Variants in SNAPC3 observed in about 807,000 individuals in gnomAD.
SNAPC3 encodes the protein snRNA-activating protein complex subunit 3.
Under a neutral mutation model 47.7 loss-of-function variants are expected in SNAPC3, and 56 were observed. That is an observed-to-expected ratio of 1.18 (90% CI 0.95 to 1.47). The LOEUF is 1.47. SNAPC3 is among the 40% of genes most tolerant of loss of function. The pLI is 0.00. For synonymous variants in SNAPC3, 235 were observed against 189.9 expected, an observed-to-expected ratio of 1.24 and a Z score of -1.95; for missense variants, 665 against 511.3, an observed-to-expected ratio of 1.30 and a Z score of -2.90.
At chr9:15,465,720 T>A (rs1289650442), downstream of SNAPC3, 2 of 625,504 alleles carry the variant, frequency 3.2e-6, no homozygotes, top group Non-Finnish European at 5.4e-6. Flanking sequence ...TGACTTGTTA[T>A]TAGAACAGTC....
chr9:15,456,017 G>C (rs933239479), intron 7 of SNAPC3, among the ~76,000 whole-genome samples: 8 of 152,170 alleles, frequency 5.3e-5, no homozygotes. Flanking sequence ...TGGGATTACA[G>C]GCATGCGCCA....
chr9:15,456,800 G>C (rs1249650104), intron 7 of SNAPC3, among the ~76,000 whole-genome samples: 5 of 152,138 alleles, frequency 3.3e-5, no homozygotes, highest in Non-Finnish European at 7.4e-5. Context: ...CATTTATTAA[G>C]AGTATGCAAT....
chr9:15,451,354 G>A lies in SNAPC3; in HGVS notation c.767G>A (p.Gly256Glu). The change falls in exon 6 of 9, where the codon GGA (glycine) becomes GAA (glutamate). Residue 256 changes from glycine to glutamate, a missense_variant. Coordinates refer to ENST00000380821, the MANE Select transcript of SNAPC3 (RefSeq NM_001039697.2). ...LYKSAFFYFE[G>E]TFYNDKRYPE... ...AAATCAGCCTTCTTTTATTTTGAAG[G>A]AACATTTTATAATGATAAAAGATAC... The A allele has an allele frequency of 1.9e-6, 3 of 1,549,184 alleles. No homozygotes were observed. Among genetic ancestry groups the A allele is most frequent in the Non-Finnish European group, 2.7e-6 (3 of 1,130,998 alleles).
chr9:15,454,533 A>G (rs2034627848), intron 7 of SNAPC3, among the ~76,000 whole-genome samples: 1 of 152,246 alleles, frequency 6.6e-6, no homozygotes, highest in Non-Finnish European at 1.5e-5. Context: ...AGCCAGGAGC[A>G]TACAGAACTC....
At chr9:15,434,951 G>C (rs978694986) in intron 3 of SNAPC3, among the ~76,000 whole-genome samples, 1 of 152,124 alleles carries the variant, frequency 6.6e-6, no homozygotes, top group African/African-American at 2.4e-5. Flanking sequence ...TCTGCCCCTA[G>C]GAATGGAATT....
chr9:15,447,008 C>A (rs2131889911), intron 4 of SNAPC3, 87 bp from the exon 5 acceptor site: 1 of 1,102,796 alleles, frequency 9.1e-7, no homozygotes, highest in South Asian at 1.4e-5. Context: ...AGAAAACCAG[C>A]AATTTAATTT....
chr9:15,453,031 C>T lies in SNAPC3; in HGVS notation c.816-10C>T, dbSNP rs200969359. ...GAAAAATGATATATCCTTGCCTTTT[C>T]CCCCCTCAGAACTATCATTGAGTGG... On this transcript the variant is annotated splice_polypyrimidine_tract_variant and intron_variant, in intron 6 of 8. Transcript: ENST00000380821. 3 of 1,595,036 alleles carry T rather than the reference C, an allele frequency of 1.9e-6. No homozygotes were observed. The highest frequency in any genetic ancestry group is 2.6e-6 in the Non-Finnish European group (3 of 1,172,324).
rs1429546928 is a variant in SNAPC3 at position 15,460,882 on chromosome 9, T to TATGAGTTTAAAATATGTC, written c.*1018_*1035dup. On this transcript the variant is annotated 3_prime_UTR_variant, in exon 9 of 9. Transcript: ENST00000380821. Reference sequence around the variant, plus strand: ...TTCTTGACAAAAGCTTTATGAATGTTATGAGTTTAAAATATGTCAATTTAA... The same window carrying TATGAGTTTAAAATATGTC: ...TTCTTGACAAAAGCTTTATGAATGTTATGAGTTTAAAATATGTCATGAGTTTAAAATATGTCAATTTAA... 1 of 152,208 alleles carries TATGAGTTTAAAATATGTC rather than the reference T, an allele frequency of 6.6e-6. No individual in the cohort carries two copies. Among genetic ancestry groups the TATGAGTTTAAAATATGTC allele is most frequent in the Non-Finnish European group, 1.5e-5 (1 of 68,030 alleles). The allele number at this position is 152,208 out of a possible 1,614,324, so 9.4% of individuals were successfully genotyped here. A position where few individuals can be genotyped will look rare whatever the true frequency, so the allele number is the denominator to read the frequency against.
chr9:15,435,096 T>TA (rs2032626409), intron 3 of SNAPC3, among the ~76,000 whole-genome samples: 1 of 152,220 alleles, frequency 6.6e-6, no homozygotes. Context: ...TTTTTTTTAA[T>TA]AATAGCCATC....
Position 15,453,328 on chromosome 9 carries a change from G to T in SNAPC3, c.980+123G>T, listed in dbSNP as rs371165885. ...GTAATAACCATTGCAACTTGGCTTG[G>T]GAGCAGCAAAAATACTGTCTTCTTT... On this transcript the variant is annotated intron_variant, in intron 7 of 8. Coordinates refer to ENST00000380821, the MANE Select transcript of SNAPC3 (RefSeq NM_001039697.2). The T allele has an allele frequency of 1.2e-5, 8 of 670,254 alleles. 1 individual carries two copies. Among genetic ancestry groups the T allele is most frequent in the Middle Eastern group, 8.5e-4 (2 of 2,348 alleles). 41.5% of individuals were successfully genotyped at this position (670,254 alleles called of 1,614,324 possible). A position where few individuals can be genotyped will look rare whatever the true frequency, so the allele number is the denominator to read the frequency against.
At chr9:15,450,667 T>C (rs997456925) in intron 5 of SNAPC3, among the ~76,000 whole-genome samples, 6 of 152,330 alleles carry the variant, frequency 3.9e-5, no homozygotes, top group East Asian at 1.9e-4. Context: ...CATGTTTTTT[T>C]CTAGAGAGCT....
intron 7 of SNAPC3, among the ~76,000 whole-genome samples, chr9:15,455,776 G>A (rs541075710): frequency 3.3e-4 from 50 of 151,022 alleles, no homozygotes; most frequent in South Asian, 6.3e-4. Context: ...TCAGCTCACC[G>A]CAACCTCTGT....
intron 3 of SNAPC3, among the ~76,000 whole-genome samples, chr9:15,437,519 C>G (rs1024976571): frequency 6.6e-6 from 1 of 152,156 alleles, no homozygotes; most frequent in Non-Finnish European, 1.5e-5. Context: ...AGGCGTGAGC[C>G]ACCGCACCCG....
At chr9:15,444,827 C>G in intron 4 of SNAPC3, 121 bp downstream of exon 4, 1 of 558,044 alleles carries the variant, frequency 1.8e-6, no homozygotes, top group East Asian at 3.4e-5. Context: ...AGTGGTGGCT[C>G]ATGCCTGTAA....
chr9:15,456,504 G>A (rs2034807423), intron 7 of SNAPC3, among the ~76,000 whole-genome samples: 1 of 151,728 alleles, frequency 6.6e-6, no homozygotes, highest in Non-Finnish European at 1.5e-5. Flanking sequence ...ATGTCACTCT[G>A]TTGCTCAGGT....
At chr9:15,447,505 ATTTTCTTTTTTGTTTTT>A (rs2034036215) in intron 5 of SNAPC3, among the ~76,000 whole-genome samples, 1 of 130,298 alleles carries the variant, frequency 7.7e-6, no homozygotes, top group African/African-American at 2.6e-5. Context: ...TGACCACCTA[ATTTTCTTTTTTGTTTTT>A]TTTTGTTTTT....
At position 15,423,953 on chromosome 9, in the gene SNAPC3, T is replaced by G; in HGVS notation, c.359T>G (p.Val120Gly). 3.8e-6 allele frequency: 6 copies of G among 1,589,822 alleles called. No homozygotes were observed. The highest frequency in any genetic ancestry group is 4.3e-6 in the Non-Finnish European group (5 of 1,169,368). ...KCLEDGEDPE[V>G]IPENTDLVTL... Reference sequence around the variant, plus strand: ...CTTGAGGACGGTGAGGATCCAGAAGTCATTCCGGAGAATACTGACCTGGTG... The same window carrying G: ...CTTGAGGACGGTGAGGATCCAGAAGGCATTCCGGAGAATACTGACCTGGTG... Residue 120 changes from valine (V) to glycine (G), a missense_variant, in exon 2 of 9, where the codon GTC (valine) becomes GGC (glycine). Coordinates refer to ENST00000380821, the MANE Select transcript of SNAPC3 (RefSeq NM_001039697.2).
chr9:15,438,587 T>TA (rs1157274119), intron 3 of SNAPC3, among the ~76,000 whole-genome samples: 1 of 152,214 alleles, frequency 6.6e-6, no homozygotes, highest in East Asian at 1.9e-4. Flanking sequence ...CATAACTTTT[T>TA]AAAATCACTC....
At chr9:15,465,458 C>A (rs1587444159), downstream of SNAPC3, 2 of 1,379,088 alleles carry the variant, frequency 1.5e-6, no homozygotes, top group Admixed American at 2.2e-5. Flanking sequence ...TTTCAGCAGT[C>A]TATTTCAAAT....
Sources: gnomAD v4.1 joint callset for allele counts (sites outside exome capture counted in the v4.1 genomes callset) on GRCh38, gnomAD v4.1.1 for gene constraint, MANE v1.5 for transcripts, NCBI Gene and HGNC (gene_info 2026-07-23, HGNC 2026-07-21) for gene names.